ADAR: variants seen among roughly 807,000 people sequenced by gnomAD.
ADAR encodes the protein double-stranded RNA-specific adenosine deaminase.
A neutral mutation model predicts 113.2 loss-of-function variants in ADAR; 41 were observed. That is an observed-to-expected ratio of 0.36 (90% CI 0.28 to 0.47). ADAR has a LOEUF of 0.47. ADAR is among the 20% of genes least tolerant of loss of function. The probability of loss-of-function intolerance (pLI) is 1.00; values close to 1 mark genes in which losing one functional copy is unlikely to be tolerated. For missense variants in ADAR, 1,242 were observed against 1,540.9 expected (o/e 0.81, Z 3.25); for synonymous variants, 605 against 572.6 (o/e 1.06, Z -0.81).
intron 7 of ADAR, 89 bp downstream of exon 7, chr1:154,590,094 AT>A: frequency 6.6e-7 from 1 of 1,507,112 alleles, no homozygotes; most frequent in African/African-American, 1.4e-5. Context: ...AAGCCTAGGA[AT>A]AACTCGCATG....
Position 154,589,603 on chromosome 1 carries a change from G to C in ADAR, c.2669-141C>G. 9.2e-6 allele frequency: 11 copies of C among 1,198,940 alleles called. No individual in the cohort carries two copies. The South Asian group carries it at 1.4e-4, about 15-fold the overall frequency. 74.3% of individuals were successfully genotyped at this position (1,198,940 alleles called of 1,614,324 possible). A position where few individuals can be genotyped will look rare whatever the true frequency, so the allele number is the denominator to read the frequency against. Reference sequence around the variant, plus strand: ...TAGACTCCCATATTCTCTCCTCTAGGAACTAAGAACTCATTCCTCACTCTG... The same window carrying C: ...TAGACTCCCATATTCTCTCCTCTAGCAACTAAGAACTCATTCCTCACTCTG... On this transcript the variant is annotated intron_variant, in intron 8 of 14. Transcript: ENST00000368474.
At chr1:154,622,614 A>AG (rs1177252228) in intron 1 of ADAR, among the ~76,000 whole-genome samples, 1 of 152,206 alleles carries the variant, frequency 6.6e-6, no homozygotes, top group African/African-American at 2.4e-5. Context: ...AACATCACAC[A>AG]GGGTAGAATT....
At chr1:154,598,097 A>G (rs760486081) in intron 3 of ADAR, 121 bp from the exon 4 acceptor site, 114 of 1,200,150 alleles carry the variant, frequency 9.5e-5, no homozygotes, top group Non-Finnish European at 1.3e-4. Flanking sequence ...TTGGCTTCCC[A>G]AAGTTAAAGG....
At chr1:154,605,857 A>C (rs905161422) in intron 1 of ADAR, 2 of 498,558 alleles carry the variant, frequency 4.0e-6, no homozygotes, top group Non-Finnish European at 5.2e-6. Flanking sequence ...CTTGGGAAAA[A>C]AAAATTGTGT....
chr1:154,601,524 G>C lies in ADAR; in HGVS notation c.1118C>G (p.Pro373Arg). 1 of 1,613,624 alleles carries C rather than the reference G, an allele frequency of 6.2e-7. No individual in the cohort carries two copies. Among genetic ancestry groups the C allele is most frequent in the Non-Finnish European group, 8.5e-7 (1 of 1,180,010 alleles). ...AGGGATTGCAGCTGGAGCGGTTTCA[G>C]GAACACTGTTCGTATTTCTCTTGAT... The part of the protein sequence containing the change: ...MQIKRNTNSV[P>R]ETAPAAIPET... Residue 373 changes from proline to arginine, a missense_variant, in exon 2 of 15, where the codon CCT becomes CGT. By Grantham distance (103) the Pro-to-Arg change is moderately radical. This residue lies in a region of ADAR where 462 missense variants were observed against 483.1 expected (regional missense o/e 0.96). Coordinates refer to ENST00000368474, the MANE Select transcript of ADAR (RefSeq NM_001111.5). The surrounding 1 kb of genome is among the most constrained non-coding windows in gnomAD (Gnocchi z 4.7).
chr1:154,589,685 A>T (rs1432666578), intron 8 of ADAR, 72 bp downstream of exon 8: 35 of 1,576,088 alleles, frequency 2.2e-5, no homozygotes, highest in Non-Finnish European at 3.0e-5. Context: ...ACATGCATGG[A>T]CTCCAGGGGA....
chr1:154,601,296 A>T lies in ADAR; in HGVS notation c.1346T>A (p.Phe449Tyr). The change falls in exon 2 of 15, where the codon TTT becomes TAT. Residue 449 changes from phenylalanine (F) to tyrosine (Y), a missense_variant. Phe to Tyr is a conservative substitution (Grantham distance 22). This residue lies in a region of ADAR where 780 missense variants were observed against 1,057.9 expected (regional missense o/e 0.74). Transcript: ENST00000368474. The surrounding 1 kb of genome is among the most constrained non-coding windows in gnomAD (Gnocchi z 4.7). ...ATCTGTGGCCCACTGGCCATTTTCA[A>T]AGTCAACATACCCTGCTTTTGAGGG... ...NGPSKAGYVDFENGQWATDDI... is the reference protein window; with the variant it reads ...NGPSKAGYVDYENGQWATDDI... The T allele has an allele frequency of 6.2e-7, 1 of 1,614,218 alleles. No homozygotes were observed. The highest frequency in any genetic ancestry group is 1.1e-5 in the South Asian group (1 of 91,086).
rs776035812 is a variant in ADAR, at chr1:154,598,540, A to G, written c.1647T>C (p.Ala549=). 6.2e-7 allele frequency: 1 copy of G among 1,614,210 alleles called. No individual in the cohort carries two copies. The highest frequency in any genetic ancestry group is 2.2e-5 in the East Asian group (1 of 44,882). ...VVINGREFPP[A]EAGSKKVAKQ... is the part of the protein sequence containing the mutation. Reference sequence around the variant, plus strand: ...TGGCCACTTTCTTGCTTCCAGCTTCAGCTGGGGGAAACTCTCGGCCATTGA... The same window carrying G: ...TGGCCACTTTCTTGCTTCCAGCTTCGGCTGGGGGAAACTCTCGGCCATTGA... The change falls in exon 3 of 15, where the codon GCT becomes GCC. Residue 549 remains alanine, a synonymous_variant. Transcript: ENST00000368474.
At chr1:154,605,510 TACTC>T (rs1698139425) in intron 1 of ADAR, among the ~76,000 whole-genome samples, 7 of 151,944 alleles carry the variant, frequency 4.6e-5, no homozygotes, top group Non-Finnish European at 1.0e-4. Flanking sequence ...CTATAAGTTA[TACTC>T]AACTCTCCAC....
At chr1:154,622,213 GACCAAACAAAGGCGATGAGAT>G (rs1001831396) in intron 1 of ADAR, among the ~76,000 whole-genome samples, 2 of 152,136 alleles carry the variant, frequency 1.3e-5, no homozygotes, top group Admixed American at 6.5e-5. Flanking sequence ...TTTGGGTGAA[GACCAAACAAAGGCGATGAGAT>G]GCAGTATGTT....
In ADAR at chr1:154,585,217, C is replaced by T. The variant is rs1696670288; in HGVS notation, c.3443G>A (p.Gly1148Glu). 3 of 1,614,006 alleles carry T rather than the reference C, an allele frequency of 1.9e-6. No homozygotes were observed. Among genetic ancestry groups the T allele is most frequent in the Non-Finnish European group, 8.5e-7 (1 of 1,180,030 alleles). Residue 1148 changes from glycine to glutamate, a missense_variant and splice_region_variant, in exon 14 of 15, where the codon GGG becomes GAG. Physicochemically the swap from Gly to Glu is moderately conservative, Grantham distance 98 (BLOSUM62 -2). Coordinates refer to ENST00000368474, the MANE Select transcript of ADAR (RefSeq NM_001111.5). ...TCACTGCGCTCTCCTGTCTCCTTAC[C>T]CATCCACAGTGCCTCTGGTACCGTC... ...ILDGTRGTVD[G>E]PRNELSRVSK...
chr1:154,600,525 G>C (rs1004878127), intron 2 of ADAR: 1 of 177,976 alleles, frequency 5.6e-6, no homozygotes, highest in African/African-American at 2.4e-5. Context: ...CCAGGCTGGA[G>C]TGCAGTGGCG....
At chr1:154,586,123 T>C (rs1571050143) in intron 12 of ADAR, 58 bp downstream of exon 12, 3 of 1,603,214 alleles carry the variant, frequency 1.9e-6, no homozygotes, top group African/African-American at 1.3e-5. Flanking sequence ...AGCATGCAGT[T>C]TGGGATCTGG....
intron 7 of ADAR, 81 bp downstream of exon 7, chr1:154,590,103 A>G (rs1697030314): frequency 2.0e-6 from 3 of 1,516,014 alleles, no homozygotes; most frequent in Non-Finnish European, 2.7e-6. Flanking sequence ...AATAACTCGC[A>G]TGACAGCAAG....
intron 1 of ADAR, among the ~76,000 whole-genome samples, chr1:154,625,578 G>T (rs1444220757): frequency 2.0e-5 from 3 of 152,240 alleles, no homozygotes; most frequent in East Asian, 1.9e-4. Flanking sequence ...GAAGCGAAAG[G>T]CCTGGCGCGG....
rs747469708 is a variant in ADAR at position 154,602,271 on chromosome 1, T to G, written c.371A>C (p.Asp124Ala). 1 of 1,614,182 alleles carries G rather than the reference T, an allele frequency of 6.2e-7. No homozygotes were observed. The change falls in exon 2 of 15, where the codon GAT (aspartate) becomes GCT (alanine). Residue 124 changes from aspartate to alanine, a missense_variant. Physicochemically the swap from Asp to Ala is moderately radical, Grantham distance 126. This residue lies in a region of ADAR where 462 missense variants were observed against 483.1 expected (regional missense o/e 0.96). Coordinates refer to ENST00000368474, the MANE Select transcript of ADAR (RefSeq NM_001111.5). ...TTCCTGGAAATGTGAGGAAAGGCAATCAACACCTCTCTGTGGCAGACTCCT... is the reference window on the plus strand; with the variant it reads ...TTCCTGGAAATGTGAGGAAAGGCAAGCAACACCTCTCTGTGGCAGACTCCT... ...RGRSLPQRGV[D>A]CLSSHFQELS...
Position 154,584,806 on chromosome 1 carries a change from C to G in ADAR, c.3681G>C (p.Ter1227TyrextTer21). The change falls in exon 15 of 15, where the codon TAG becomes TAC. Residue 1227 changes from the stop codon to tyrosine (Y), a stop_lost. Coordinates refer to ENST00000368474, the MANE Select transcript of ADAR (RefSeq NM_001111.5). ...EEKNFYLCPV* is the reference protein window; with the variant it reads ...EEKNFYLCPVY ...CTAATCCATCTGTCACTGGAGCATA[C>G]TATACTGGGCAGAGATAAAAGTTCT... 1 of 1,612,268 alleles carries G rather than the reference C, an allele frequency of 6.2e-7. No individual in the cohort carries two copies. The highest frequency in any genetic ancestry group is 8.5e-7 in the Non-Finnish European group (1 of 1,178,586).
upstream of ADAR, among the ~76,000 whole-genome samples, chr1:154,610,821 AAAG>A (rs1414605886): frequency 0.011 from 398 of 34,716 alleles, 47 homozygotes; most frequent in African/African-American, 0.05. Flanking sequence ...AAAAAAAAAA[AAAG>A]AAAAAAAAAA....
intron 6 of ADAR, among the ~76,000 whole-genome samples, chr1:154,595,635 A>T (rs1014682924): frequency 6.6e-6 from 1 of 152,226 alleles, no homozygotes; most frequent in Non-Finnish European, 1.5e-5. Flanking sequence ...GGAACAAAAA[A>T]TAAAAAAGTT....
Sources: allele counts gnomAD v4.1 joint callset (sites outside exome capture counted in the v4.1 genomes callset), GRCh38; gene constraint gnomAD v4.1.1; regional missense constraint gnomAD v4.1.1; non-coding constraint Gnocchi (gnomAD v3.1); transcripts MANE v1.5; gene names NCBI Gene and HGNC (gene_info 2026-07-23, HGNC 2026-07-21).